The following DLGAP2 variants were observed in gnomAD, a reference collection of about 807,000 sequenced individuals.
The protein encoded by DLGAP2 is disks large-associated protein 2.
A neutral mutation model predicts 100.3 loss-of-function variants in DLGAP2; 26 were observed. The observed-to-expected ratio is 0.26, with a 90% CI of 0.19 to 0.36. The LOEUF (loss-of-function observed/expected upper bound fraction) is 0.36, where lower values mean the gene tolerates loss of function less well. Ranked by LOEUF, DLGAP2 falls within the 10% of genes least tolerant of loss-of-function variation. The pLI, the probability that DLGAP2 is intolerant of heterozygous loss-of-function variation, is 1.00. For missense variants in DLGAP2, 1,858 were observed against 1,453.2 expected, an observed-to-expected ratio of 1.28 and a Z score of -4.53; for synonymous variants, 886 against 630.1, an observed-to-expected ratio of 1.41 and a Z score of -6.08.
chr8:1,178,110 C>G (rs10109717), intron 2 of DLGAP2, among the ~76,000 whole-genome samples: 70,787 of 151,968 alleles, frequency 0.47, 18,780 homozygotes, highest in Admixed American at 0.61. Context: ...GAGTCATTAC[C>G]CCAGAATCCA....
At chr8:1,358,113 G>T (rs556893261) in intron 3 of DLGAP2, among the ~76,000 whole-genome samples, 1 of 152,306 alleles carries the variant, frequency 6.6e-6, no homozygotes, top group East Asian at 1.9e-4. Flanking sequence ...TTGGGTAGAA[G>T]TGAAGATTGT....
At chr8:840,858 G>C (rs1488951623) in intron 1 of DLGAP2, among the ~76,000 whole-genome samples, 3 of 152,226 alleles carry the variant, frequency 2.0e-5, no homozygotes, top group African/African-American at 7.2e-5. Context: ...GCATTCGTCT[G>C]TGTTTTCAGC....
At chr8:854,560 A>G (rs528865271) in intron 1 of DLGAP2, among the ~76,000 whole-genome samples, 6 of 151,596 alleles carry the variant, frequency 4.0e-5, no homozygotes, top group Non-Finnish European at 7.4e-5. Context: ...TCATGTGTGC[A>G]TGTGTCTGCA....
At chr8:1,430,007 C>CT (rs1797369018) in intron 3 of DLGAP2, among the ~76,000 whole-genome samples, 1 of 54,380 alleles carries the variant, frequency 1.8e-5, no homozygotes, top group Non-Finnish European at 3.6e-5. Context: ...CATATATATA[C>CT]ATATATATAT....
At chr8:1,623,659 C>A (rs943437956) in intron 6 of DLGAP2, among the ~76,000 whole-genome samples, 4 of 152,088 alleles carry the variant, frequency 2.6e-5, no homozygotes, top group Non-Finnish European at 5.9e-5. Flanking sequence ...TGTGTGATGA[C>A]CTGACACCAG....
At chr8:1,559,917 C>CTTTCCT (rs1394705139) in intron 5 of DLGAP2, among the ~76,000 whole-genome samples, 4 of 152,224 alleles carry the variant, frequency 2.6e-5, no homozygotes, top group Non-Finnish European at 4.4e-5. Flanking sequence ...ACCCCAGGAC[C>CTTTCCT]TTTCCTGATC....
chr8:793,842 C>T (rs1317076677), intron 1 of DLGAP2, among the ~76,000 whole-genome samples: 1 of 152,246 alleles, frequency 6.6e-6, no homozygotes, highest in Non-Finnish European at 1.5e-5. Context: ...ATCTTCCTTG[C>T]ACTTCCTGTG....
chr8:1,178,520 A>G (rs1484117316), intron 2 of DLGAP2, among the ~76,000 whole-genome samples: 2 of 152,216 alleles, frequency 1.3e-5, no homozygotes, highest in African/African-American at 4.8e-5. Context: ...GTTGACAAAC[A>G]CAGCACTTGG....
At chr8:1,256,335 A>G (rs114328319) in intron 2 of DLGAP2, among the ~76,000 whole-genome samples, 11,783 of 66,436 alleles carry the variant, frequency 0.18, 879 homozygotes, top group Admixed American at 0.27. Context: ...TCTGGGTGCC[A>G]TGTGTGTGTC....
At chr8:753,267 T>C (rs967301703) in intron 1 of DLGAP2, among the ~76,000 whole-genome samples, 16 of 152,190 alleles carry the variant, frequency 1.1e-4, no homozygotes, top group African/African-American at 2.7e-4. Flanking sequence ...ACACAAACTT[T>C]ACAAACGCGT....
chr8:1,287,157 TGCGCGCGC>T (rs1259394109), intron 3 of DLGAP2, among the ~76,000 whole-genome samples: 6 of 99,482 alleles, frequency 6.0e-5, no homozygotes, highest in Non-Finnish European at 6.9e-5. Context: ...TGTGTGTGTG[TGCGCGCGC>T]GCGCGTGGTT....
intron 2 of DLGAP2, among the ~76,000 whole-genome samples, chr8:1,147,993 T>C (rs1211606475): frequency 6.6e-6 from 1 of 152,216 alleles, no homozygotes; most frequent in Non-Finnish European, 1.5e-5. Context: ...TCAAGACAAG[T>C]TTGAGAAGTG....
chr8:1,366,199 T>C (rs1802104608), intron 3 of DLGAP2, among the ~76,000 whole-genome samples: 1 of 152,268 alleles, frequency 6.6e-6, no homozygotes, highest in Non-Finnish European at 1.5e-5. Context: ...TGAATTCTAA[T>C]GTGCTGCTTT....
intron 3 of DLGAP2, among the ~76,000 whole-genome samples, chr8:1,376,305 C>T (rs542809333): frequency 5.2e-4 from 79 of 152,328 alleles, no homozygotes; most frequent in African/African-American, 1.6e-3. Flanking sequence ...GTCTCTGTGC[C>T]GTTTCTTCTC....
At chr8:1,538,459 C>T (rs931822761) in intron 4 of DLGAP2, among the ~76,000 whole-genome samples, 1 of 152,204 alleles carries the variant, frequency 6.6e-6, no homozygotes, top group African/African-American at 2.4e-5. Flanking sequence ...ATATTAACTT[C>T]CTCTTAGATC....
chr8:1,358,275 A>G (rs1200092245), intron 3 of DLGAP2, among the ~76,000 whole-genome samples: 9 of 152,156 alleles, frequency 5.9e-5, no homozygotes, highest in Admixed American at 3.9e-4. Flanking sequence ...TCACTGAAGT[A>G]TTATCTTAAC....
chr8:1,275,158 G>A (rs532895029), intron 3 of DLGAP2, among the ~76,000 whole-genome samples: 1 of 152,140 alleles, frequency 6.6e-6, no homozygotes, highest in Non-Finnish European at 1.5e-5. Flanking sequence ...GAGTTACACA[G>A]AGCAACTCTG....
intron 3 of DLGAP2, among the ~76,000 whole-genome samples, chr8:1,473,329 G>T (rs746382552): frequency 1.3e-5 from 2 of 152,148 alleles, no homozygotes; most frequent in African/African-American, 4.8e-5. Context: ...AGGTTCCTCC[G>T]CCCAGCAGAC....
intron 1 of DLGAP2, among the ~76,000 whole-genome samples, chr8:765,298 T>C (rs1407754323): frequency 1.3e-5 from 2 of 152,230 alleles, no homozygotes; most frequent in South Asian, 2.1e-4. Flanking sequence ...AATGTATCAA[T>C]GTTAAATACT....
Sources: allele counts gnomAD v4.1 joint callset (sites outside exome capture counted in the v4.1 genomes callset), GRCh38; gene constraint gnomAD v4.1.1; transcripts MANE v1.5; gene names NCBI Gene and HGNC (gene_info 2026-07-23, HGNC 2026-07-21).